The following LRP4 variants were observed in gnomAD, a reference collection of about 807,000 sequenced individuals.
LRP4 encodes the protein LDL receptor related protein 4.
In LRP4, 95 loss-of-function variants were observed where a neutral mutation model predicts 220.3. The ratio of observed to expected loss-of-function variants is 0.43; its 90% CI spans 0.37 to 0.51. The LOEUF (loss-of-function observed/expected upper bound fraction) is 0.51. Among genes scored for constraint, LRP4 ranks in the 20% least tolerant of loss-of-function variants. LRP4 has a pLI of 0.00. For missense variants in LRP4, 1,925 were observed against 2,567.0 expected, an observed-to-expected ratio of 0.75 and a Z score of 5.40; for synonymous variants, 903 against 954.6, an observed-to-expected ratio of 0.95 and a Z score of 1.00.
intron 18 of LRP4, among the ~76,000 whole-genome samples, chr11:46,885,316 G>A (rs1941263557): frequency 6.6e-6 from 1 of 152,146 alleles, no homozygotes; most frequent in East Asian, 1.9e-4. Flanking sequence ...TAAGTCTAGG[G>A]TGGGGCCCAA....
intron 8 of LRP4, 40 bp downstream of exon 8, chr11:46,896,829 C>A (rs577783006): frequency 6.2e-7 from 1 of 1,613,862 alleles, no homozygotes. Flanking sequence ...TCCACCCCAA[C>A]TATAGGCTAA....
intron 25 of LRP4, 138 bp downstream of exon 25, chr11:46,876,328 C>T: frequency 1.1e-6 from 1 of 952,372 alleles, no homozygotes; most frequent in Non-Finnish European, 1.7e-6. Flanking sequence ...CGAGAAGTCA[C>T]AAGAGAGTGG....
Position 46,862,667 on chromosome 11 carries a change from T to A in LRP4, c.5324A>T (p.Glu1775Val). ...SNPSYRTSTQ[E>V]VKIEAIPKPA... ...TTTGGGGATTGCTTCAATCTTCACT[T>A]CCTGTGTGGATGTTCGGTAGGAGGG... is the stretch of plus-strand genomic sequence containing the variant. The change falls in exon 37 of 38, where the codon GAA (glutamate) becomes GTA (valine). Residue 1775 changes from glutamate (E) to valine (V), a missense_variant. Transcript: ENST00000378623. 6.2e-7 allele frequency: 1 copy of A among 1,614,032 alleles called. No individual in the cohort carries two copies. Among genetic ancestry groups the A allele is most frequent in the Non-Finnish European group, 8.5e-7 (1 of 1,179,898 alleles).
intron 36 of LRP4, among the ~76,000 whole-genome samples, chr11:46,863,584 C>CAAAAAAAAAAAAAAAAAA (rs55744712): frequency 3.7e-5 from 2 of 54,148 alleles, no homozygotes; most frequent in Non-Finnish European, 3.8e-5. Flanking sequence ...ACTAAAAATA[C>CAAAAAAAAAAAAAAAAAA]AAAAAAAAAA....
intron 2 of LRP4, among the ~76,000 whole-genome samples, chr11:46,902,502 A>G (rs1220646783): frequency 6.6e-6 from 1 of 152,198 alleles, no homozygotes; most frequent in African/African-American, 2.4e-5. Context: ...ATAAATACAG[A>G]GAGACCTATT....
intron 1 of LRP4, among the ~76,000 whole-genome samples, chr11:46,913,892 G>A (rs199574060): frequency 2.6e-5 from 4 of 152,188 alleles, no homozygotes; most frequent in South Asian, 4.1e-4. Context: ...GTTCTATCAC[G>A]TTTTCAAGGG....
intron 18 of LRP4, 98 bp downstream of exon 18, chr11:46,885,993 G>A: frequency 4.0e-6 from 4 of 999,528 alleles, no homozygotes; most frequent in Non-Finnish European, 6.3e-6. Context: ...AGACAGAAGT[G>A]GTCCAGGAGA....
In LRP4 at chr11:46,859,266, C is replaced by T. The variant is rs1940474612; in HGVS notation, c.5435G>A (p.Gly1812Glu). 1 of 1,613,986 alleles carries T rather than the reference C, an allele frequency of 6.2e-7. No individual in the cohort carries two copies. The highest frequency in any genetic ancestry group is 1.1e-5 in the South Asian group (1 of 91,080). Residue 1812 changes from glycine (G) to glutamate (E), a missense_variant, in exon 38 of 38, where the codon GGA (glycine) becomes GAA (glutamate). Coordinates refer to ENST00000378623, the MANE Select transcript of LRP4 (RefSeq NM_002334.4). Reference protein sequence around the residue: ...YTKEKIKIVEGICLLSGDDAE... With the variant: ...YTKEKIKIVEEICLLSGDDAE... Reference sequence around the variant, plus strand: ...ATCATCCCCAGACAGGAGGCAGATTCCCTCTACGATCTTGATCTTCTCCTT... The same window carrying T: ...ATCATCCCCAGACAGGAGGCAGATTTCCTCTACGATCTTGATCTTCTCCTT...
rs1565780984 is a variant in LRP4 at position 46,873,237 on chromosome 11, G to A, written c.4449-3C>T. 2.5e-6 allele frequency: 4 copies of A among 1,614,184 alleles called. No individual in the cohort carries two copies. The highest frequency in any genetic ancestry group is 3.4e-6 in the Non-Finnish European group (4 of 1,180,028). On this transcript the variant is annotated splice_polypyrimidine_tract_variant and splice_region_variant and intron_variant, in intron 29 of 37. Transcript: ENST00000378623. The surrounding 1 kb of genome is among the most constrained non-coding windows in gnomAD (Gnocchi z 4.2). ...CCCAGTCTGTCCAGAAGAGGTACCT[G>A]AGACACAACAGTGCCATCATCATCA...
intron 37 of LRP4, among the ~76,000 whole-genome samples, chr11:46,861,522 A>AATTTTTTT (rs1565773314): frequency 2.6e-5 from 1 of 38,134 alleles, no homozygotes; most frequent in South Asian, 1.7e-3. Flanking sequence ...TGGAAATGGG[A>AATTTTTTT]CTTTTTTTTT....
intron 2 of LRP4, among the ~76,000 whole-genome samples, chr11:46,901,075 C>T (rs1291807498): frequency 3.3e-5 from 5 of 152,166 alleles, no homozygotes; most frequent in South Asian, 2.1e-4. Context: ...GGATTACAGG[C>T]GTGAGCCACC....
chr11:46,873,407 C>G lies in LRP4; in HGVS notation c.4416G>C (p.Glu1472Asp), dbSNP rs1940921655. 6.2e-7 allele frequency: 1 copy of G among 1,614,082 alleles called. No individual in the cohort carries two copies. The highest frequency in any genetic ancestry group is 1.3e-5 in the African/African-American group (1 of 74,938). Residue 1472 changes from glutamate to aspartate, a missense_variant, in exon 29 of 38, where the codon GAG (glutamate) becomes GAC (aspartate). Glu to Asp is a conservative substitution (Grantham distance 45). This residue lies in a region of LRP4 where 1,244 missense variants were observed against 1,624.9 expected (regional missense o/e 0.77). Transcript: ENST00000378623. The surrounding 1 kb of genome is among the most constrained non-coding windows in gnomAD (Gnocchi z 4.2). ...TGGGGAAAACAGCAATGGCCCGGGG[C>G]TCATCCAGGCTATTGTTGATCAGTA... is the stretch of plus-strand genomic sequence containing the variant. ...RKVLINNSLD[E>D]PRAIAVFPRK...
intron 19 of LRP4, 31 bp downstream of exon 19, chr11:46,883,840 T>G: frequency 1.7e-5 from 26 of 1,517,020 alleles, no homozygotes; most frequent in Non-Finnish European, 2.2e-5. Context: ...GAGGGGTGGA[T>G]GGAGCTCATT....
chr11:46,916,800 C>T (rs1941952683), intron 1 of LRP4, among the ~76,000 whole-genome samples: 1 of 152,140 alleles, frequency 6.6e-6, no homozygotes, highest in African/African-American at 2.4e-5. Context: ...TTCCTTGCAA[C>T]CCGAAGGGGG....
At chr11:46,863,903 ATGAAGAACAACAGCAGCAAAC>A (rs1243114936) in intron 36 of LRP4, among the ~76,000 whole-genome samples, 2 of 152,232 alleles carry the variant, frequency 1.3e-5, no homozygotes, top group African/African-American at 2.4e-5. Flanking sequence ...GATGATGATG[ATGAAGAACAACAGCAGCAAAC>A]TGTAAGCTAC....
chr11:46,902,468 G>T (rs1017314113), intron 2 of LRP4, among the ~76,000 whole-genome samples: 1 of 151,974 alleles, frequency 6.6e-6, no homozygotes, highest in African/African-American at 2.4e-5. Context: ...CAAATATGCG[G>T]TACATATACA....
rs968821817 is a variant in LRP4 at position 46,857,050 on chromosome 11, T to C, written c.*1933A>G. 1 of 152,570 alleles carries C rather than the reference T, an allele frequency of 6.6e-6. No individual in the cohort carries two copies. The highest frequency in any genetic ancestry group is 6.6e-5 in the Admixed American group (1 of 15,264). The allele number at this position is 152,570 out of a possible 1,614,324, so 9.5% of individuals were successfully genotyped here. On this transcript the variant is annotated 3_prime_UTR_variant, in exon 38 of 38. Transcript: ENST00000378623. The stretch of plus-strand genomic sequence containing the variant: ...GAGATTTTGCTTTTTACAGAGTAAA[T>C]CAGTGCTCAAATAGATACTTCCTCA...
At chr11:46,884,644 G>C (rs1279453628) in intron 18 of LRP4, among the ~76,000 whole-genome samples, 2 of 150,666 alleles carry the variant, frequency 1.3e-5, no homozygotes, top group Non-Finnish European at 2.9e-5. Context: ...GGCTGAGGCA[G>C]GAGAATGGCG....
chr11:46,881,058 CAAAAAAAAAAAAAAAAAAA>C (rs60125188), intron 20 of LRP4, among the ~76,000 whole-genome samples: 1 of 56,106 alleles, frequency 1.8e-5, no homozygotes, highest in Non-Finnish European at 3.0e-5. Flanking sequence ...TCTAAAAAAC[CAAAAAAAAAAAAAAAAAAA>C]AAAAAAAAGA....
Sources: gnomAD v4.1 joint callset for allele counts (sites outside exome capture counted in the v4.1 genomes callset) on GRCh38, gnomAD v4.1.1 for gene constraint, gnomAD v4.1.1 regional missense constraint, Gnocchi (gnomAD v3.1) non-coding constraint, MANE v1.5 for transcripts, NCBI Gene and HGNC (gene_info 2026-07-23, HGNC 2026-07-21) for gene names.